Variants in ARL14EPL observed in about 807,000 individuals in gnomAD.
ARL14EPL encodes ARF like GTPase 14 effector protein like.
ARL14EPL carries 17 observed loss-of-function variants against 15.9 expected under a neutral mutation model. That is an observed-to-expected ratio of 1.07 (90% CI 0.73 to 1.60). ARL14EPL has a LOEUF of 1.60. Among genes scored for constraint, ARL14EPL ranks in the 40% most tolerant of loss-of-function variants. The pLI is 0.00. For synonymous variants in ARL14EPL, 78 were observed against 63.8 expected, an observed-to-expected ratio of 1.22 and a Z score of -1.06; for missense variants, 214 against 185.9, an observed-to-expected ratio of 1.15 and a Z score of -0.88.
At chr5:116,051,921 C>T in intron 2 of ARL14EPL, 1 of 1,591,636 alleles carries the variant, frequency 6.3e-7, no homozygotes, top group Non-Finnish European at 8.6e-7. Flanking sequence ...CATGCATCTT[C>T]ACCAGCAGCT....
At chr5:116,052,344 G>C in intron 2 of ARL14EPL, 1 of 878,710 alleles carries the variant, frequency 1.1e-6, no homozygotes, top group Non-Finnish European at 1.9e-6. Context: ...GGACAAAAAA[G>C]CTACAAATGT....
intron 1 of ARL14EPL, among the ~76,000 whole-genome samples, chr5:116,039,015 C>A (rs1749100199): frequency 6.6e-6 from 1 of 152,164 alleles, no homozygotes; most frequent in African/African-American, 2.4e-5. Flanking sequence ...AATGCACAGA[C>A]AAACCGCCCT....
intron 1 of ARL14EPL, among the ~76,000 whole-genome samples, chr5:116,044,033 A>G (rs1460602841): frequency 2.6e-5 from 4 of 152,202 alleles, no homozygotes; most frequent in Non-Finnish European, 5.9e-5. Context: ...AAGATGGAAC[A>G]CATTTTTAAT....
chr5:116,041,078 G>A (rs1343541579), intron 1 of ARL14EPL, among the ~76,000 whole-genome samples: 4 of 151,000 alleles, frequency 2.6e-5, no homozygotes, highest in East Asian at 1.9e-4. Flanking sequence ...AAAAAGCACA[G>A]GGAGTTCTCA....
At chr5:116,039,970 C>T (rs1580411064) in intron 1 of ARL14EPL, among the ~76,000 whole-genome samples, 1 of 152,068 alleles carries the variant, frequency 6.6e-6, no homozygotes, top group East Asian at 1.9e-4. Flanking sequence ...ATTGATCTTC[C>T]TTCTTAACAA....
chr5:116,045,714 A>G (rs1749252889), intron 1 of ARL14EPL, among the ~76,000 whole-genome samples: 1 of 150,762 alleles, frequency 6.6e-6, no homozygotes, highest in African/African-American at 2.4e-5. Context: ...TACTGTATGT[A>G]TTTTCACATT....
At chr5:116,056,344 C>G (rs989873436) in intron 3 of ARL14EPL, among the ~76,000 whole-genome samples, 5 of 152,300 alleles carry the variant, frequency 3.3e-5, no homozygotes, top group African/African-American at 1.2e-4. Flanking sequence ...GTCATTCTAA[C>G]TGGTGTGAGA....
intron 1 of ARL14EPL, among the ~76,000 whole-genome samples, chr5:116,034,168 G>A (rs1196792244): frequency 6.6e-6 from 1 of 152,172 alleles, no homozygotes; most frequent in African/African-American, 2.4e-5. Flanking sequence ...TGATCACCTT[G>A]TCTTTGAAAA....
chr5:116,042,931 T>G (rs953235218), intron 1 of ARL14EPL, among the ~76,000 whole-genome samples: 5 of 152,098 alleles, frequency 3.3e-5, no homozygotes, highest in African/African-American at 4.8e-5. Flanking sequence ...CTTATATAAC[T>G]CTATAGAGAT....
chr5:116,048,075 G>A (rs1014938004), intron 1 of ARL14EPL, among the ~76,000 whole-genome samples: 3 of 152,120 alleles, frequency 2.0e-5, no homozygotes, highest in Non-Finnish European at 2.9e-5. Context: ...CCCCATACGG[G>A]TACTAAACAG....
At chr5:116,041,054 T>C (rs1343446113) in intron 1 of ARL14EPL, among the ~76,000 whole-genome samples, 1 of 151,182 alleles carries the variant, frequency 6.6e-6, no homozygotes, top group East Asian at 1.9e-4. Context: ...TTTAGTTTTA[T>C]AGTAAAATTG....
intron 3 of ARL14EPL, among the ~76,000 whole-genome samples, chr5:116,056,013 T>G (rs1473887803): frequency 6.6e-6 from 1 of 152,228 alleles, no homozygotes; most frequent in Non-Finnish European, 1.5e-5. Flanking sequence ...TTCCATGGTG[T>G]ATATGTGCCA....
chr5:116,034,374 G>A (rs1006176266), intron 1 of ARL14EPL, among the ~76,000 whole-genome samples: 1 of 152,138 alleles, frequency 6.6e-6, no homozygotes, highest in Non-Finnish European at 1.5e-5. Context: ...TCAATAGTGA[G>A]CAGGAGGCCT....
intron 1 of ARL14EPL, among the ~76,000 whole-genome samples, chr5:116,035,208 C>T (rs1008908294): frequency 1.3e-5 from 2 of 152,196 alleles, no homozygotes; most frequent in South Asian, 2.1e-4. Flanking sequence ...TGGTCATTTT[C>T]ATCTCCTAAG....
In ARL14EPL at chr5:116,058,871, G is replaced by A. The variant is rs908654265; in HGVS notation, c.383G>A (p.Arg128Gln). 45 of 1,535,970 alleles carry A rather than the reference G, an allele frequency of 2.9e-5. No individual in the cohort carries two copies. In the African/African-American group the frequency reaches 3.4e-4, roughly 12 times the overall value. Residue 128 changes from arginine to glutamine, a missense_variant, in exon 4 of 4, where the codon CGA becomes CAA. Coordinates refer to ENST00000686077, the MANE Select transcript of ARL14EPL (RefSeq NM_001195581.2). ...NKCGPECRCNRRWVYDAIVTE... is the reference protein window; with the variant it reads ...NKCGPECRCNQRWVYDAIVTE... ...TGTGGGCCCGAGTGCCGCTGCAACC[G>A]ACGGTGGGTTTACGATGCCATCGTC...
chr5:116,056,675 T>G (rs1024305641), intron 3 of ARL14EPL, among the ~76,000 whole-genome samples: 3 of 152,214 alleles, frequency 2.0e-5, no homozygotes, highest in East Asian at 3.8e-4. Flanking sequence ...GTCAATTTTG[T>G]CTTTTGTTGC....
At chr5:116,050,279 A>G (rs1236844329) in intron 1 of ARL14EPL, among the ~76,000 whole-genome samples, 3 of 152,200 alleles carry the variant, frequency 2.0e-5, no homozygotes, top group African/African-American at 7.2e-5. Flanking sequence ...CCCAGTGTCT[A>G]TTGTTGCCAT....
At chr5:116,053,912 T>G in intron 2 of ARL14EPL, 102 bp from the exon 3 acceptor site, 1 of 961,130 alleles carries the variant, frequency 1.0e-6, no homozygotes, top group Non-Finnish European at 1.5e-6. Flanking sequence ...ATATATACTT[T>G]CATGCCTTTA....
Position 116,054,993 on chromosome 5 carries a change from A to G in ARL14EPL, c.236+840A>G, listed in dbSNP as rs190177076. ...GTAGGAGAAGTTATTAATAACATAA[A>G]AAATCAGTATCCAAAATATATGAAG... On this transcript the variant is annotated intron_variant, in intron 3 of 3. Coordinates refer to ENST00000686077, the MANE Select transcript of ARL14EPL (RefSeq NM_001195581.2). 2.6e-3 allele frequency among the ~76,000 whole-genome samples: 392 copies of G among 152,280 alleles called. 2 individuals carry two copies. Among genetic ancestry groups the G allele is most frequent in the Non-Finnish European group, 7.2e-4 (49 of 68,018 alleles).
Sources: gnomAD v4.1 joint callset for allele counts (sites outside exome capture counted in the v4.1 genomes callset) on GRCh38, gnomAD v4.1.1 for gene constraint, MANE v1.5 for transcripts, NCBI Gene and HGNC (gene_info 2026-07-23, HGNC 2026-07-21) for gene names.